Variants in NUGGC observed in about 807,000 individuals in gnomAD.
NUGGC encodes nuclear GTPase SLIP-GC.
Under a neutral mutation model 92.6 loss-of-function variants are expected in NUGGC, and 58 were observed. The ratio of observed to expected loss-of-function variants is 0.63; its 90% CI spans 0.51 to 0.78. The LOEUF (loss-of-function observed/expected upper bound fraction) is 0.78. NUGGC is among the 30% of genes least tolerant of loss of function. The pLI is 0.00. For missense variants in NUGGC, 925 were observed against 964.6 expected (o/e 0.96, Z 0.54); for synonymous variants, 376 against 366.4 (o/e 1.03, Z -0.30).
chr8:28,069,851 C>A (rs895787752), intron 3 of NUGGC, 199 bp from the exon 4 acceptor site: 4 of 581,760 alleles, frequency 6.9e-6, no homozygotes, highest in Non-Finnish European at 1.2e-5. Flanking sequence ...TGAAAATCTC[C>A]AAAGAGCCAG....
intron 1 of NUGGC, among the ~76,000 whole-genome samples, chr8:28,075,020 C>T (rs143447143): frequency 1.8e-4 from 28 of 152,272 alleles, no homozygotes; most frequent in Non-Finnish European, 3.4e-4. Flanking sequence ...CCTCTGGTGA[C>T]CAGAGCTGTG....
Position 28,046,435 on chromosome 8 carries a change from G to A in NUGGC, c.1313-775C>T, listed in dbSNP as rs147916215. On this transcript the variant is annotated intron_variant, in intron 11 of 18. Transcript: ENST00000413272. ...ACCCACTTTCCACTGAGTATCTAGC[G>A]CACGCAGAGCTCTAGGTTCCCCGGG... Among the ~76,000 whole-genome samples, 26 of 152,232 alleles carry A rather than the reference G, an allele frequency of 1.7e-4. 1 individual carries two copies. The Middle Eastern group carries it at 0.01, about 60-fold the overall frequency.
chr8:28,046,060 A>G (rs11780653), intron 11 of NUGGC, among the ~76,000 whole-genome samples: 39,478 of 151,812 alleles, frequency 0.26, 5,768 homozygotes, highest in East Asian at 0.45. Flanking sequence ...TAACACCAGA[A>G]TAGCCCATGC....
chr8:28,083,048 C>T (rs888025307), intron 1 of NUGGC, among the ~76,000 whole-genome samples: 3 of 152,150 alleles, frequency 2.0e-5, no homozygotes, highest in African/African-American at 4.8e-5. Context: ...AAATAATTTA[C>T]GTAGCTACTC....
intron 4 of NUGGC, 33 bp downstream of exon 4, chr8:28,069,511 A>G (rs1203148330): frequency 9.2e-7 from 1 of 1,083,106 alleles, no homozygotes; most frequent in South Asian, 1.3e-5. Flanking sequence ...AGACACTGAC[A>G]TAAAATTTCA....
chr8:28,071,236 C>T (rs540624986), intron 2 of NUGGC, among the ~76,000 whole-genome samples: 51 of 152,202 alleles, frequency 3.4e-4, no homozygotes, highest in African/African-American at 1.2e-3. Context: ...AGGAAATCAA[C>T]CAACTGTGTA....
chr8:28,034,238 C>T (rs953576382), intron 13 of NUGGC, among the ~76,000 whole-genome samples: 16 of 152,050 alleles, frequency 1.1e-4, no homozygotes, highest in Admixed American at 6.5e-4. Context: ...AATGTCTTGG[C>T]GATGTTTTTT....
Position 28,064,531 on chromosome 8 carries a change from C to A in NUGGC, c.912G>T (p.Met304Ile). 3 of 1,613,984 alleles carry A rather than the reference C, an allele frequency of 1.9e-6. No individual in the cohort carries two copies. The highest frequency in any genetic ancestry group is 2.5e-6 in the Non-Finnish European group (3 of 1,179,808). ...TGDFNSKRDEMWKKTIDKCSV... is the reference protein window; with the variant it reads ...TGDFNSKRDEIWKKTIDKCSV... The stretch of plus-strand genomic sequence containing the variant: ...TACGAAAGACAGTCACCTTTTTCCA[C>A]ATCTCGTCCCTCTTGCTGTTGAAGT... Residue 304 changes from methionine (M) to isoleucine (I), a missense_variant, in exon 7 of 19, where the codon ATG becomes ATT. Transcript: ENST00000413272.
chr8:28,065,254 G>A (rs571487566), intron 6 of NUGGC, among the ~76,000 whole-genome samples: 1 of 145,784 alleles, frequency 6.9e-6, no homozygotes, highest in East Asian at 2.1e-4. Context: ...TCCGCCTCCC[G>A]GGTTCACGCC....
rs1034150291 is a variant in NUGGC at position 28,022,566 on chromosome 8, T to C, written c.*751A>G. 24 of 152,206 alleles carry C rather than the reference T, an allele frequency of 1.6e-4. No individual in the cohort carries two copies. The highest frequency in any genetic ancestry group is 5.8e-4 in the African/African-American group (24 of 41,450). The allele number at this position is 152,206 out of a possible 1,614,324, so 9.4% of individuals were successfully genotyped here. ...GCTATAAAATAAAATGCAGTAAACA[T>C]ACTAGTTTTATATTGCATGCAAAGT... On this transcript the variant is annotated 3_prime_UTR_variant, in exon 19 of 19. Transcript: ENST00000413272.
At chr8:28,057,480 T>G (rs1170873428) in intron 9 of NUGGC, among the ~76,000 whole-genome samples, 2 of 151,986 alleles carry the variant, frequency 1.3e-5, no homozygotes, top group East Asian at 1.9e-4. Context: ...TAGCTGGGAT[T>G]ACAGGTCCAT....
At chr8:28,026,880 A>G (rs899130866) in intron 18 of NUGGC, 82 bp downstream of exon 18, 2 of 958,010 alleles carry the variant, frequency 2.1e-6, no homozygotes, top group African/African-American at 3.2e-5. Context: ...TTAAAGTTTA[A>G]TACCTTTAAA....
chr8:28,046,994 G>C (rs1027931538), intron 11 of NUGGC, among the ~76,000 whole-genome samples: 22 of 150,866 alleles, frequency 1.5e-4, no homozygotes, highest in African/African-American at 5.4e-4. Context: ...TTTTGAGACA[G>C]AGTTTCACTC....
At position 28,023,018 on chromosome 8, in the gene NUGGC, C is replaced by T. The variant is rs536192029; in HGVS notation, c.*299G>A. On this transcript the variant is annotated 3_prime_UTR_variant, in exon 19 of 19. Transcript: ENST00000413272. ...CCAGGAGGTGGAGGTTGCAGTGAGCCGAGATTGCACCACTGCATTCCAGCC... is the reference window on the plus strand; with the variant it reads ...CCAGGAGGTGGAGGTTGCAGTGAGCTGAGATTGCACCACTGCATTCCAGCC... 177 of 205,922 alleles carry T rather than the reference C, an allele frequency of 8.6e-4. No homozygotes were observed. The highest frequency in any genetic ancestry group is 4.0e-3 in the African/African-American group (170 of 42,552). 12.8% of individuals were successfully genotyped at this position (205,922 alleles called of 1,614,324 possible).
At chr8:28,060,333 C>A (rs376987819) in intron 8 of NUGGC, 93 bp downstream of exon 8, 8 of 1,252,278 alleles carry the variant, frequency 6.4e-6, no homozygotes, top group Non-Finnish European at 9.2e-6. Context: ...CCTCTAACCA[C>A]GTTACAAAGT....
At chr8:28,067,177 C>T (rs1810458039) in intron 6 of NUGGC, among the ~76,000 whole-genome samples, 2 of 152,164 alleles carry the variant, frequency 1.3e-5, no homozygotes, top group African/African-American at 4.8e-5. Context: ...TGCCCCCAAA[C>T]CTCTTACATG....
rs377376383 is a variant in NUGGC, at chr8:28,064,556, T to C, written c.887A>G (p.Asp296Gly). 2.0e-5 allele frequency: 32 copies of C among 1,614,048 alleles called. No individual in the cohort carries two copies. Among genetic ancestry groups the C allele is most frequent in the Non-Finnish European group, 2.4e-5 (28 of 1,179,896 alleles). The change falls in exon 7 of 19, where the codon GAC becomes GGC. Residue 296 changes from aspartate (D) to glycine (G), a missense_variant. Physicochemically the swap from Asp to Gly is moderately conservative, Grantham distance 94. Transcript: ENST00000413272. ...CATCTCGTCCCTCTTGCTGTTGAAG[T>C]CGCCTGTGCCTGGGATGTCCACCAG... ...VVLVDIPGTG[D>G]FNSKRDEMWK...
At chr8:28,060,396 G>A in intron 8 of NUGGC, 30 bp downstream of exon 8, 1 of 1,609,462 alleles carries the variant, frequency 6.2e-7, no homozygotes, top group Non-Finnish European at 8.5e-7. Context: ...CCTGACTGGA[G>A]CCCACATCCT....
Position 28,047,957 on chromosome 8 carries a change from A to G in NUGGC, c.1207-345T>C, listed in dbSNP as rs530376993. On this transcript the variant is annotated intron_variant, in intron 10 of 18. Coordinates refer to ENST00000413272, the MANE Select transcript of NUGGC (RefSeq NM_001010906.2). ...CTCAAAAAAGAAACACATGTCTGGAATAGGCAGTGATGTGCTGCAGCCAGC... is the reference window on the plus strand; with the variant it reads ...CTCAAAAAAGAAACACATGTCTGGAGTAGGCAGTGATGTGCTGCAGCCAGC... 3.9e-5 allele frequency among the ~76,000 whole-genome samples: 6 copies of G among 152,366 alleles called. No homozygotes were observed. The South Asian group carries it at 1.2e-3, about 32-fold the overall frequency.
Sources: allele counts gnomAD v4.1 joint callset (sites outside exome capture counted in the v4.1 genomes callset), GRCh38; gene constraint gnomAD v4.1.1; transcripts MANE v1.5; gene names NCBI Gene and HGNC (gene_info 2026-07-23, HGNC 2026-07-21).